Variants in HOOK1 observed in about 807,000 individuals in gnomAD.
The protein encoded by HOOK1 is protein Hook homolog 1.
In HOOK1, 60 loss-of-function variants were observed where a neutral mutation model predicts 112.8. The ratio of observed to expected loss-of-function variants is 0.53; its 90% CI spans 0.43 to 0.66. The LOEUF (loss-of-function observed/expected upper bound fraction) is 0.66. Ranked by LOEUF, HOOK1 falls within the 30% of genes least tolerant of loss-of-function variation. HOOK1 has a pLI of 0.00. For missense variants in HOOK1, 770 were observed against 856.0 expected, an observed-to-expected ratio of 0.90 and a Z score of 1.25; for synonymous variants, 294 against 283.8, an observed-to-expected ratio of 1.04 and a Z score of -0.36.
intron 19 of HOOK1, among the ~76,000 whole-genome samples, chr1:59,866,424 G>A (rs971287349): frequency 6.6e-6 from 1 of 152,080 alleles, no homozygotes; most frequent in African/African-American, 2.4e-5. Flanking sequence ...ATAGTTAAAC[G>A]CTTTTCAAAT....
At chr1:59,833,903 T>C (rs2098395816) in intron 5 of HOOK1, among the ~76,000 whole-genome samples, 1 of 152,214 alleles carries the variant, frequency 6.6e-6, no homozygotes, top group African/African-American at 2.4e-5. Context: ...TAAATAAATA[T>C]TCAGCTACTA....
chr1:59,815,106 G>A lies in HOOK1; in HGVS notation c.-12G>A. On this transcript the variant is annotated 5_prime_UTR_variant, in exon 1 of 22. Coordinates refer to ENST00000371208, the MANE Select transcript of HOOK1 (RefSeq NM_015888.6). ...GAAGGTGTCCGCGGCGTCGTCGACG[G>A]CGGCGCCGGCCATGGAGGAGACGCA... The A allele has an allele frequency of 6.5e-7, 1 of 1,539,618 alleles. No individual in the cohort carries two copies.
At chr1:59,846,157 T>C (rs1003466935) in intron 9 of HOOK1, among the ~76,000 whole-genome samples, 2 of 151,932 alleles carry the variant, frequency 1.3e-5, no homozygotes, top group Admixed American at 1.3e-4. Context: ...CATAATATTC[T>C]CTTCTTATCC....
Position 59,872,777 on chromosome 1 carries a change from T to C in HOOK1, c.2017-18T>C, listed in dbSNP as rs937710085. On this transcript the variant is annotated intron_variant, in intron 21 of 21. Transcript: ENST00000371208. Reference sequence around the variant, plus strand: ...GTTTAGTCATGTTAAATAAAAAATATATGTTTTTTTTTTTCAGAGTCTAGC... The same window carrying C: ...GTTTAGTCATGTTAAATAAAAAATACATGTTTTTTTTTTTCAGAGTCTAGC... 3.6e-6 allele frequency: 5 copies of C among 1,387,282 alleles called. No individual in the cohort carries two copies. Among genetic ancestry groups the C allele is most frequent in the Non-Finnish European group, 4.7e-6 (5 of 1,057,226 alleles). The allele number at this position is 1,387,282 out of a possible 1,614,324, so 85.9% of individuals were successfully genotyped here.
chr1:59,868,987 T>C (rs1644013397), intron 20 of HOOK1, among the ~76,000 whole-genome samples: 1 of 152,340 alleles, frequency 6.6e-6, no homozygotes, highest in South Asian at 2.1e-4. Flanking sequence ...CACTATGGAA[T>C]TCTGTATTCT....
intron 12 of HOOK1, among the ~76,000 whole-genome samples, chr1:59,852,283 T>A (rs2098407542): frequency 6.6e-6 from 1 of 151,776 alleles, no homozygotes; most frequent in Admixed American, 6.6e-5. Context: ...TGAGCTTTAT[T>A]TGTAGGAAGT....
At chr1:59,848,979 A>G in intron 11 of HOOK1, 94 bp from the exon 12 acceptor site, 1 of 594,970 alleles carries the variant, frequency 1.7e-6, no homozygotes, top group Non-Finnish European at 2.8e-6. Flanking sequence ...TTTATTCATA[A>G]TCAGTTTTTC....
chr1:59,870,855 C>A, intron 20 of HOOK1, 187 bp from the exon 21 acceptor site: 1 of 500,862 alleles, frequency 2.0e-6, no homozygotes, highest in Non-Finnish European at 3.6e-6. Context: ...AGTCACAAAC[C>A]TTATTCTTTC....
chr1:59,868,332 G>A lies in HOOK1; in HGVS notation c.1928G>A (p.Arg643Lys). 6.3e-7 allele frequency: 1 copy of A among 1,598,544 alleles called. No individual in the cohort carries two copies. The highest frequency in any genetic ancestry group is 1.1e-5 in the South Asian group (1 of 90,458). ...LLRKQLAEKE[R>K]RIEILESECK... ...AGAAAGCAGTTGGCAGAGAAAGAGA[G>A]AAGAATTGAGATTCTGGAGGTAAAA... Residue 643 changes from arginine to lysine, a missense_variant, in exon 20 of 22, where the codon AGA (arginine) becomes AAA (lysine). Physicochemically the swap from Arg to Lys is conservative, Grantham distance 26. Transcript: ENST00000371208.
At chr1:59,859,086 T>C in intron 14 of HOOK1, 41 bp downstream of exon 14, 1 of 999,078 alleles carries the variant, frequency 1.0e-6, no homozygotes, top group East Asian at 3.3e-5. Context: ...TATTTAATAT[T>C]ATAATTTTTT....
chr1:59,832,904 T>C (rs966779849), intron 4 of HOOK1, among the ~76,000 whole-genome samples: 4 of 152,108 alleles, frequency 2.6e-5, no homozygotes, highest in African/African-American at 4.8e-5. Context: ...GAAGCTGTTT[T>C]AATGCCAAGA....
At chr1:59,833,064 T>A (rs2098395179) in intron 4 of HOOK1, among the ~76,000 whole-genome samples, 1 of 152,158 alleles carries the variant, frequency 6.6e-6, no homozygotes, top group Non-Finnish European at 1.5e-5. Flanking sequence ...TTATGAATAT[T>A]CTTTGGCTTA....
chr1:59,861,231 G>C (rs2098413451), intron 15 of HOOK1, among the ~76,000 whole-genome samples: 1 of 152,122 alleles, frequency 6.6e-6, no homozygotes, highest in African/African-American at 2.4e-5. Context: ...ACTTATTCTT[G>C]AATTTCATTT....
At chr1:59,864,908 C>T in intron 17 of HOOK1, 2 of 565,288 alleles carry the variant, frequency 3.5e-6, no homozygotes, top group South Asian at 2.6e-5. Flanking sequence ...TTAACTATCA[C>T]AACTAGATTA....
At chr1:59,864,789 T>A in intron 17 of HOOK1, 123 bp downstream of exon 17, 1 of 669,998 alleles carries the variant, frequency 1.5e-6, no homozygotes, top group Non-Finnish European at 2.6e-6. Flanking sequence ...TTGATACACC[T>A]GCTGCAAAAG....
chr1:59,858,212 T>C (rs2098411700), intron 12 of HOOK1, among the ~76,000 whole-genome samples: 1 of 152,212 alleles, frequency 6.6e-6, no homozygotes, highest in South Asian at 2.1e-4. Flanking sequence ...GCATTCATTT[T>C]GTTCAAAGAT....
At chr1:59,841,437 G>C (rs1419238789) in intron 8 of HOOK1, among the ~76,000 whole-genome samples, 1 of 152,086 alleles carries the variant, frequency 6.6e-6, no homozygotes, top group African/African-American at 2.4e-5. Flanking sequence ...AAAAGACTTG[G>C]TTAGGGTGAC....
chr1:59,855,442 T>C (rs2098409943), intron 12 of HOOK1, among the ~76,000 whole-genome samples: 1 of 152,172 alleles, frequency 6.6e-6, no homozygotes, highest in South Asian at 2.1e-4. Flanking sequence ...CCTCCATCCA[T>C]GTTCCTGCAA....
intron 7 of HOOK1, among the ~76,000 whole-genome samples, chr1:59,839,575 T>A (rs965641860): frequency 6.6e-6 from 1 of 152,198 alleles, no homozygotes; most frequent in Admixed American, 6.5e-5. Context: ...TTTATCAGCT[T>A]AAGGAGATTT....
Sources: allele counts gnomAD v4.1 joint callset (sites outside exome capture counted in the v4.1 genomes callset), GRCh38; gene constraint gnomAD v4.1.1; transcripts MANE v1.5; gene names NCBI Gene and HGNC (gene_info 2026-07-23, HGNC 2026-07-21).